Variants in CCDC85A observed in about 807,000 individuals in gnomAD.
The protein encoded by CCDC85A is coiled-coil domain containing 85A, also known as coiled-coil domain-containing protein 85A.
CCDC85A carries 38 observed loss-of-function variants against 50.2 expected under a neutral mutation model. That is an observed-to-expected ratio of 0.76 (90% CI 0.58 to 0.99). The LOEUF is 0.99. CCDC85A is among the 50% of genes least tolerant of loss of function. The pLI, the probability that CCDC85A is intolerant of heterozygous loss-of-function variation, is 0.00. For missense variants in CCDC85A, 820 were observed against 742.0 expected (o/e 1.11, Z -1.22); for synonymous variants, 366 against 301.4 (o/e 1.21, Z -2.22).
intron 2 of CCDC85A, among the ~76,000 whole-genome samples, chr2:56,309,256 A>G (rs1403795872): frequency 1.3e-5 from 2 of 152,186 alleles, no homozygotes; most frequent in Non-Finnish European, 2.9e-5. Context: ...GATGGTTCAA[A>G]TTAGATTTCT....
intron 2 of CCDC85A, among the ~76,000 whole-genome samples, chr2:56,294,452 T>A (rs1042165795): frequency 1.3e-5 from 2 of 152,220 alleles, no homozygotes; most frequent in Non-Finnish European, 2.9e-5. Flanking sequence ...ATAAAATTTT[T>A]AAAAAATCAG....
chr2:56,233,053 C>G (rs551714818), intron 2 of CCDC85A, among the ~76,000 whole-genome samples: 6 of 152,162 alleles, frequency 3.9e-5, no homozygotes, highest in Non-Finnish European at 7.3e-5. Context: ...GGCCTGTCTG[C>G]GTTAGGTAGT....
intron 2 of CCDC85A, among the ~76,000 whole-genome samples, chr2:56,308,603 C>T (rs974489628): frequency 6.6e-6 from 1 of 152,134 alleles, no homozygotes; most frequent in Non-Finnish European, 1.5e-5. Context: ...CTAATAATAC[C>T]TACCTTGAAT....
chr2:56,183,938 G>T, upstream of CCDC85A: 1 of 985,398 alleles, frequency 1.0e-6, no homozygotes. Flanking sequence ...TGCGGGTTAC[G>T]GGTGGCCCCA....
intron 2 of CCDC85A, among the ~76,000 whole-genome samples, chr2:56,258,916 A>C (rs1199376344): frequency 1.3e-5 from 2 of 152,182 alleles, no homozygotes; most frequent in Non-Finnish European, 2.9e-5. Context: ...GAGAGTGAGT[A>C]GGTGGGTAAG....
chr2:56,185,858 C>T (rs1372113994), intron 1 of CCDC85A: 2 of 152,360 alleles, frequency 1.3e-5, no homozygotes, highest in Admixed American at 6.5e-5. Flanking sequence ...GTATTCCTTC[C>T]TCTCATTGTT....
chr2:56,351,742 C>T (rs991403817), intron 3 of CCDC85A, among the ~76,000 whole-genome samples: 2 of 150,452 alleles, frequency 1.3e-5, no homozygotes, highest in African/African-American at 2.5e-5. Context: ...ATTGTAGATT[C>T]TGGATATTAG....
chr2:56,286,234 C>G (rs1301840895), intron 2 of CCDC85A, among the ~76,000 whole-genome samples: 1 of 151,930 alleles, frequency 6.6e-6, no homozygotes, highest in Non-Finnish European at 1.5e-5. Context: ...GTTCACTGAG[C>G]TTTTTTGGAT....
intron 2 of CCDC85A, among the ~76,000 whole-genome samples, chr2:56,214,548 T>C (rs546686216): frequency 3.9e-5 from 6 of 152,026 alleles, no homozygotes; most frequent in African/African-American, 1.2e-4. Context: ...GTAAAAGATA[T>C]AAGGTCAGTA....
At chr2:56,378,308 T>TG (rs56743704) in intron 5 of CCDC85A, among the ~76,000 whole-genome samples, 57,762 of 152,012 alleles carry the variant, frequency 0.38, 12,117 homozygotes, top group African/African-American at 0.57. Context: ...TCATGGTTTG[T>TG]GGGAAATGTA....
chr2:56,249,456 G>A (rs1249975402), intron 2 of CCDC85A, among the ~76,000 whole-genome samples: 2 of 152,208 alleles, frequency 1.3e-5, no homozygotes, highest in Non-Finnish European at 2.9e-5. Flanking sequence ...ATCTGAAGAA[G>A]CACATGAAAA....
At chr2:56,334,879 G>A (rs1300360733) in intron 2 of CCDC85A, among the ~76,000 whole-genome samples, 1 of 152,174 alleles carries the variant, frequency 6.6e-6, no homozygotes, top group Non-Finnish European at 1.5e-5. Context: ...TTCTGCATGG[G>A]AGGAGGGGAA....
At chr2:56,273,422 A>T (rs1670785197) in intron 2 of CCDC85A, among the ~76,000 whole-genome samples, 1 of 152,160 alleles carries the variant, frequency 6.6e-6, no homozygotes, top group South Asian at 2.1e-4. Flanking sequence ...ACATAAACAG[A>T]AAAAATTGGA....
chr2:56,221,045 A>G (rs960632622), intron 2 of CCDC85A, among the ~76,000 whole-genome samples: 2 of 151,928 alleles, frequency 1.3e-5, no homozygotes, highest in Non-Finnish European at 2.9e-5. Flanking sequence ...ATTTTGTAAA[A>G]AAGTCTGTGT....
intron 2 of CCDC85A, among the ~76,000 whole-genome samples, chr2:56,255,702 G>A (rs1349704258): frequency 6.6e-6 from 1 of 152,126 alleles, no homozygotes; most frequent in Non-Finnish European, 1.5e-5. Context: ...CTAGGAAGGA[G>A]AAAGAAATGA....
At chr2:56,223,489 A>G (rs1050045178) in intron 2 of CCDC85A, among the ~76,000 whole-genome samples, 6 of 152,186 alleles carry the variant, frequency 3.9e-5, no homozygotes, top group African/African-American at 1.4e-4. Flanking sequence ...CCTGAAAAAC[A>G]AATGATCCTC....
chr2:56,208,202 C>G (rs745984208), intron 2 of CCDC85A, among the ~76,000 whole-genome samples: 2 of 151,746 alleles, frequency 1.3e-5, no homozygotes, highest in African/African-American at 4.8e-5. Context: ...GCTTTCAATT[C>G]TGAGTTCTTA....
intron 2 of CCDC85A, among the ~76,000 whole-genome samples, chr2:56,290,464 G>T (rs866147267): frequency 1.2e-4 from 19 of 152,018 alleles, no homozygotes; most frequent in Non-Finnish European, 7.4e-5. Flanking sequence ...CTCTACTATG[G>T]CAAATGAATT....
chr2:56,266,061 A>G (rs999458326), intron 2 of CCDC85A, among the ~76,000 whole-genome samples: 14 of 152,220 alleles, frequency 9.2e-5, no homozygotes, highest in African/African-American at 3.1e-4. Flanking sequence ...CAAATATTGC[A>G]TGATGTCACT....
Sources: allele counts gnomAD v4.1 joint callset (sites outside exome capture counted in the v4.1 genomes callset), GRCh38; gene constraint gnomAD v4.1.1; transcripts MANE v1.5; gene names NCBI Gene and HGNC (gene_info 2026-07-23, HGNC 2026-07-21).